HADHA: variants seen among roughly 807,000 people sequenced by gnomAD.
HADHA encodes the protein trifunctional enzyme subunit alpha, mitochondrial.
Under a neutral mutation model 91.3 loss-of-function variants are expected in HADHA, and 59 were observed. The observed-to-expected ratio is 0.65, with a 90% confidence interval of 0.52 to 0.80. The LOEUF (loss-of-function observed/expected upper bound fraction) is 0.80. HADHA is among the 30% of genes least tolerant of loss of function. HADHA has a pLI of 0.00. For synonymous variants in HADHA, 320 were observed against 338.9 expected, an observed-to-expected ratio of 0.94 and a Z score of 0.61; for missense variants, 800 against 927.6, an observed-to-expected ratio of 0.86 and a Z score of 1.79.
At position 26,225,623 on chromosome 2, in the gene HADHA, T is replaced by C. The variant is rs375014033; in HGVS notation, c.676+4569A>G. Among the ~76,000 whole-genome samples, 8 of 152,240 alleles carry C rather than the reference T, an allele frequency of 5.3e-5. No homozygotes were observed. In the East Asian group the frequency reaches 1.3e-3, roughly 26 times the overall value. ...AAATCAATGTGACTGACATTATTAA[T>C]AGACTAAAAAAGAAGAAAACCCCAC... On this transcript the variant is annotated intron_variant, in intron 7 of 19. Transcript: ENST00000380649.
At chr2:26,196,662 G>A (rs1669681985) in intron 14 of HADHA, among the ~76,000 whole-genome samples, 1 of 152,134 alleles carries the variant, frequency 6.6e-6, no homozygotes, top group Non-Finnish European at 1.5e-5. Context: ...ACTTTTAAAT[G>A]AATGACAAAA....
chr2:26,209,646 C>T (rs1366517072), intron 11 of HADHA, 134 bp downstream of exon 11: 2 of 706,680 alleles, frequency 2.8e-6, no homozygotes, highest in Non-Finnish European at 2.6e-6. Flanking sequence ...CATAAGGGCT[C>T]AAATGTGCTC....
chr2:26,231,443 T>G (rs1047328876), intron 6 of HADHA, among the ~76,000 whole-genome samples: 2 of 152,232 alleles, frequency 1.3e-5, no homozygotes, highest in Non-Finnish European at 2.9e-5. Context: ...GAGCCTCTTT[T>G]GGTTCCATAC....
chr2:26,244,468 G>A, intron 1 of HADHA, 62 bp downstream of exon 1: 1 of 1,514,754 alleles, frequency 6.6e-7, no homozygotes, highest in Non-Finnish European at 9.0e-7. Flanking sequence ...CGGCTCCGGG[G>A]CCACCCCAGT....
At chr2:26,223,520 C>T (rs988370962) in intron 7 of HADHA, among the ~76,000 whole-genome samples, 6 of 152,172 alleles carry the variant, frequency 3.9e-5, no homozygotes, top group Non-Finnish European at 7.3e-5. Context: ...AGAAATATCA[C>T]CCTTTCCACA....
Position 26,230,172 on chromosome 2 carries a change from T to G in HADHA, c.676+20A>C. Reference sequence around the variant, plus strand: ...TAAGTAACTTTATAAGGTCTGACTCTGAGATGTGCTAACACTTACCCAGGG... The same window carrying G: ...TAAGTAACTTTATAAGGTCTGACTCGGAGATGTGCTAACACTTACCCAGGG... On this transcript the variant is annotated intron_variant, in intron 7 of 19. Coordinates refer to ENST00000380649, the MANE Select transcript of HADHA (RefSeq NM_000182.5). The G allele has an allele frequency of 1.5e-5, 21 of 1,415,350 alleles. No homozygotes were observed. Among genetic ancestry groups the G allele is most frequent in the East Asian group, 2.3e-5 (1 of 43,934 alleles). The allele number at this position is 1,415,350 out of a possible 1,614,324, so 87.7% of individuals were successfully genotyped here. A position where few individuals can be genotyped will look rare whatever the true frequency, so the allele number is the denominator to read the frequency against.
Position 26,234,217 on chromosome 2 carries a change from C to T in HADHA, c.453G>A (p.Glu151=). The T allele has an allele frequency of 6.2e-7, 1 of 1,613,618 alleles. No homozygotes were observed. The highest frequency in any genetic ancestry group is 8.5e-7 in the Non-Finnish European group (1 of 1,179,562). Residue 151 remains glutamate (E), a splice_region_variant and synonymous_variant, in exon 5 of 20, where the codon GAG becomes GAA. Transcript: ENST00000380649. ...INGSCLGGGL[E]VAISCQYRIA... is the part of the protein sequence containing the mutation. ...CTCAATAACTTTAGAATATCTATAC[C>T]TCAAGTCCTCCTCCCAGGCAGGATC...
intron 1 of HADHA, among the ~76,000 whole-genome samples, chr2:26,241,477 C>CAAAAAAAAAAAAA (rs141836425): frequency 7.3e-6 from 1 of 136,968 alleles, no homozygotes. Context: ...ACAACAACAA[C>CAAAAAAAAAAAAA]AAAAAAAAAA....
At chr2:26,215,620 G>C (rs979155818) in intron 7 of HADHA, among the ~76,000 whole-genome samples, 1 of 152,176 alleles carries the variant, frequency 6.6e-6, no homozygotes, top group African/African-American at 2.4e-5. Context: ...GATGATTGCT[G>C]ATCATTTTCT....
chr2:26,190,793 T>A lies in HADHA; in HGVS notation c.*457A>T. On this transcript the variant is annotated 3_prime_UTR_variant, in exon 20 of 20. Coordinates refer to ENST00000380649, the MANE Select transcript of HADHA (RefSeq NM_000182.5). Reference sequence around the variant, plus strand: ...TGCTGCCTAGAATTCTGCACACACATTCTTACTCCCCCAAAGCACAGGGCT... The same window carrying A: ...TGCTGCCTAGAATTCTGCACACACAATCTTACTCCCCCAAAGCACAGGGCT... The A allele has an allele frequency of 3.8e-6, 1 of 266,012 alleles. No individual in the cohort carries two copies. The highest frequency in any genetic ancestry group is 7.3e-6 in the Non-Finnish European group (1 of 136,408). 16.5% of individuals were successfully genotyped at this position (266,012 alleles called of 1,614,324 possible).
chr2:26,191,344 A>G lies in HADHA; in HGVS notation c.2198T>C (p.Leu733Pro), dbSNP rs2147748812. 5.0e-6 allele frequency: 8 copies of G among 1,614,074 alleles called. No homozygotes were observed. Among genetic ancestry groups the G allele is most frequent in the Non-Finnish European group, 6.8e-6 (8 of 1,180,032 alleles). ...TCCATAGGCAGCTTCATATTTCTTG[A>G]GCCGGTCCACTATCTTCTGGGCGCC... Reference protein sequence around the residue: ...LYGAQKIVDRLKKYEAAYGKQ... With the variant: ...LYGAQKIVDRPKKYEAAYGKQ... The change falls in exon 20 of 20, where the codon CTC (leucine) becomes CCC (proline). Residue 733 changes from leucine to proline, a missense_variant. Coordinates refer to ENST00000380649, the MANE Select transcript of HADHA (RefSeq NM_000182.5).
In HADHA at chr2:26,195,101, A is replaced by G; in HGVS notation, c.1611T>C (p.Ile537=). ...TTATACAGCCCCTTACCTTAACCAC[A>G]ATGATGACCTTCCCCTGCTTGAGAC... ...AVGLKQGKVI[I]VVKDGPGFYT... The change falls in exon 15 of 20, where the codon ATT becomes ATC. Residue 537 remains isoleucine, a synonymous_variant. Transcript: ENST00000380649. The G allele has an allele frequency of 6.2e-7, 1 of 1,613,374 alleles. No homozygotes were observed. Among genetic ancestry groups the G allele is most frequent in the Non-Finnish European group, 8.5e-7 (1 of 1,179,452 alleles).
chr2:26,219,374 C>A (rs1373398823), intron 7 of HADHA, among the ~76,000 whole-genome samples: 1 of 152,150 alleles, frequency 6.6e-6, no homozygotes, highest in Non-Finnish European at 1.5e-5. Flanking sequence ...GATTTGTCCA[C>A]CTCGGCCTCC....
rs1324632716 is a variant in HADHA at position 26,221,611 on chromosome 2, C to T, written c.677-6436G>A. Among the ~76,000 whole-genome samples, 2 of 152,164 alleles carry T rather than the reference C, an allele frequency of 1.3e-5. No individual in the cohort carries two copies. Among genetic ancestry groups the T allele is most frequent in the African/African-American group, 4.8e-5 (2 of 41,446 alleles). On this transcript the variant is annotated intron_variant, in intron 7 of 19. Transcript: ENST00000380649. This position sits in a 1 kb window ranked among gnomAD's most constrained non-coding sequence, Gnocchi z 4.8. Reference sequence around the variant, plus strand: ...GGCACAAGCTGCATGAGGAAGTAGCCAAAATACCCCACGGCCCTGTTCTTC... The same window carrying T: ...GGCACAAGCTGCATGAGGAAGTAGCTAAAATACCCCACGGCCCTGTTCTTC...
chr2:26,216,771 C>CT (rs1158137708), intron 7 of HADHA, among the ~76,000 whole-genome samples: 1 of 152,148 alleles, frequency 6.6e-6, no homozygotes, highest in Non-Finnish European at 1.5e-5. Context: ...ACGTGAAATG[C>CT]TGGAGAGCAG....
rs1669504128 is a variant in HADHA at position 26,191,559 on chromosome 2, T to C, written c.2070A>G (p.Gln690=). ...RFVNEAVMCL[Q]EGILATPAEG... ...CTGCAGGTGTGGCCAAGATCCCCTCTTGCAGGCACATGACTGCCTCATTCA... is the reference window on the plus strand; with the variant it reads ...CTGCAGGTGTGGCCAAGATCCCCTCCTGCAGGCACATGACTGCCTCATTCA... Residue 690 remains glutamine, a synonymous_variant, in exon 19 of 20, where the codon CAA becomes CAG. Transcript: ENST00000380649. The C allele has an allele frequency of 3.7e-6, 6 of 1,614,116 alleles. No homozygotes were observed. The South Asian group carries it at 5.5e-5, about 15-fold the overall frequency.
intron 1 of HADHA, among the ~76,000 whole-genome samples, chr2:26,240,347 G>A (rs900316766): frequency 6.6e-6 from 1 of 152,196 alleles, no homozygotes; most frequent in Admixed American, 6.5e-5. Flanking sequence ...TCTTGGTGGA[G>A]CTTACATTCC....
intron 14 of HADHA, among the ~76,000 whole-genome samples, chr2:26,196,473 A>G (rs1669676704): frequency 6.6e-6 from 1 of 152,210 alleles, no homozygotes; most frequent in Non-Finnish European, 1.5e-5. Flanking sequence ...CTGTATATAC[A>G]TCCATATAAT....
intron 1 of HADHA, among the ~76,000 whole-genome samples, chr2:26,244,146 G>A (rs1671006983): frequency 6.6e-6 from 1 of 152,276 alleles, no homozygotes; most frequent in African/African-American, 2.4e-5. Context: ...GACAGCTCTT[G>A]TTGCGGGGCA....
Sources: allele counts gnomAD v4.1 joint callset (sites outside exome capture counted in the v4.1 genomes callset), GRCh38; gene constraint gnomAD v4.1.1; non-coding constraint Gnocchi (gnomAD v3.1); transcripts MANE v1.5; gene names NCBI Gene and HGNC (gene_info 2026-07-23, HGNC 2026-07-21).